KATNIP: variants seen among roughly 807,000 people sequenced by gnomAD.
KATNIP encodes the protein katanin-interacting protein.
KATNIP carries 126 observed loss-of-function variants against 174.0 expected under a neutral mutation model. That is an observed-to-expected ratio of 0.72 (90% CI 0.63 to 0.84). The LOEUF (loss-of-function observed/expected upper bound fraction) is 0.84, where lower values mean the gene tolerates loss of function less well. Among genes scored for constraint, KATNIP ranks in the 40% least tolerant of loss-of-function variants. KATNIP has a pLI of 0.00. For synonymous variants in KATNIP, 810 were observed against 835.7 expected, an observed-to-expected ratio of 0.97 and a Z score of 0.53; for missense variants, 1,958 against 2,109.7, an observed-to-expected ratio of 0.93 and a Z score of 1.41.
At chr16:27,617,986 C>T (rs913265403) in intron 2 of KATNIP, among the ~76,000 whole-genome samples, 21 of 152,268 alleles carry the variant, frequency 1.4e-4, no homozygotes, top group African/African-American at 4.6e-4. Context: ...AATCCTCTCG[C>T]CTCAGCCTCC....
chr16:27,710,582 G>T (rs2079532131), intron 13 of KATNIP, among the ~76,000 whole-genome samples: 2 of 152,124 alleles, frequency 1.3e-5, no homozygotes, highest in Admixed American at 1.3e-4. Context: ...GCTCACTGCA[G>T]CCTCAAACTC....
At chr16:27,632,573 TC>T (rs1407408478) in intron 5 of KATNIP, 1 of 454,736 alleles carries the variant, frequency 2.2e-6, no homozygotes, top group Non-Finnish European at 4.4e-6. Context: ...TCACTGTGCA[TC>T]CTCTATAGAG....
Position 27,769,865 on chromosome 16 carries a change from A to G in KATNIP, c.3980A>G (p.Lys1327Arg), listed in dbSNP as rs1381449506. The G allele has an allele frequency of 1.9e-6, 3 of 1,613,640 alleles. No individual in the cohort carries two copies. The highest frequency in any genetic ancestry group is 1.3e-5 in the African/African-American group (1 of 74,938). ...GTTATTTCTTTTGTTTGCCAGGCCA[A>G]GATTGTCCACGTCTCCCTGGATGGC... ...KSPEDTYRGA[K>R]IVHVSLDGLC... The change falls in exon 21 of 28, where the codon AAG becomes AGG. Residue 1327 changes from lysine (K) to arginine (R), a missense_variant. Lys to Arg is a conservative substitution (Grantham distance 26). Around this residue, in one of 3 missense-constraint regions of KATNIP, gnomAD observed 383 missense variants for 456.0 expected, o/e 0.84. Coordinates refer to ENST00000261588, the MANE Select transcript of KATNIP (RefSeq NM_015202.5).
intron 6 of KATNIP, among the ~76,000 whole-genome samples, chr16:27,654,352 T>C (rs2077202422): frequency 6.6e-6 from 1 of 152,178 alleles, no homozygotes; most frequent in African/African-American, 2.4e-5. Context: ...GCCATACAGC[T>C]CCATGGTTCA....
At chr16:27,715,142 T>C (rs563205827) in intron 13 of KATNIP, among the ~76,000 whole-genome samples, 9 of 152,368 alleles carry the variant, frequency 5.9e-5, no homozygotes, top group Admixed American at 1.3e-4. Flanking sequence ...AACCCATGGA[T>C]TTATAGTCAA....
intron 5 of KATNIP, among the ~76,000 whole-genome samples, chr16:27,635,588 C>G (rs936781987): frequency 2.1e-4 from 32 of 151,100 alleles, no homozygotes; most frequent in Admixed American, 4.0e-4. Context: ...AGGCACTGTG[C>G]AAGGCTCTAG....
At chr16:27,685,345 T>A (rs2078485483) in intron 8 of KATNIP, 1 of 152,110 alleles carries the variant, frequency 6.6e-6, no homozygotes, top group African/African-American at 2.4e-5. Flanking sequence ...GAGCTGAGAT[T>A]GGACCACTGT....
chr16:27,707,888 GC>G (rs1256948804), intron 12 of KATNIP, among the ~76,000 whole-genome samples: 4 of 152,040 alleles, frequency 2.6e-5, no homozygotes, highest in East Asian at 3.9e-4. Flanking sequence ...TTGGATTAGT[GC>G]CCCCCTCCCC....
intron 19 of KATNIP, among the ~76,000 whole-genome samples, chr16:27,763,441 T>C (rs1386500171): frequency 2.9e-4 from 20 of 68,186 alleles, no homozygotes; most frequent in Non-Finnish European, 4.4e-4. Context: ...ATTGTGTCTC[T>C]AAAAAAAAAA....
chr16:27,613,344 G>A (rs919546967), intron 2 of KATNIP, among the ~76,000 whole-genome samples: 3 of 152,208 alleles, frequency 2.0e-5, no homozygotes, highest in Non-Finnish European at 4.4e-5. Flanking sequence ...CATTTAAGAA[G>A]TGGAGATGGA....
chr16:27,589,139 C>T (rs2141847408), intron 2 of KATNIP, among the ~76,000 whole-genome samples: 1 of 152,006 alleles, frequency 6.6e-6, no homozygotes, highest in Admixed American at 6.6e-5. Flanking sequence ...CTCCCCGCCT[C>T]AAGTGATCTG....
intron 6 of KATNIP, among the ~76,000 whole-genome samples, chr16:27,670,791 A>G (rs374397609): frequency 1.6e-4 from 24 of 152,282 alleles, no homozygotes; most frequent in African/African-American, 3.6e-4. Flanking sequence ...TAAACGTATC[A>G]TTTTTTTAAA....
Position 27,777,039 on chromosome 16 carries a change from T to A in KATNIP, c.4551+10T>A. The A allele has an allele frequency of 6.4e-7, 1 of 1,555,728 alleles. No individual in the cohort carries two copies. Reference sequence around the variant, plus strand: ...GGTGAAGGAGTTTGGCGTAAGTACTTATTAGCTGAGTTTTTTGAGATAATT... The same window carrying A: ...GGTGAAGGAGTTTGGCGTAAGTACTAATTAGCTGAGTTTTTTGAGATAATT... On this transcript the variant is annotated intron_variant, in intron 25 of 27. Coordinates refer to ENST00000261588, the MANE Select transcript of KATNIP (RefSeq NM_015202.5). The surrounding 1 kb of genome is among the most constrained non-coding windows in gnomAD (Gnocchi z 4.4).
chr16:27,775,366 G>A (rs1459398977), intron 24 of KATNIP, among the ~76,000 whole-genome samples: 1 of 152,214 alleles, frequency 6.6e-6, no homozygotes, highest in East Asian at 1.9e-4. Flanking sequence ...GAGGGCTTGG[G>A]CGTCCTGGGT....
intron 18 of KATNIP, among the ~76,000 whole-genome samples, chr16:27,758,530 C>T (rs1257543422): frequency 1.3e-5 from 2 of 152,146 alleles, no homozygotes; most frequent in Non-Finnish European, 2.9e-5. Context: ...ATAGAATCTG[C>T]CAGTAGCTTC....
chr16:27,742,010 A>G (rs887336460), intron 15 of KATNIP, among the ~76,000 whole-genome samples: 4 of 149,064 alleles, frequency 2.7e-5, no homozygotes, highest in African/African-American at 9.9e-5. Flanking sequence ...GATTGAGATT[A>G]TTTTTAAACT....
intron 7 of KATNIP, among the ~76,000 whole-genome samples, chr16:27,680,790 GTTC>G (rs1178513638): frequency 6.6e-6 from 1 of 152,196 alleles, no homozygotes; most frequent in African/African-American, 2.4e-5. Context: ...CATCTTCTGG[GTTC>G]AAGCAATTCT....
intron 8 of KATNIP, 64 bp from the exon 9 acceptor site, chr16:27,698,264 T>C (rs1597206475): frequency 6.7e-7 from 1 of 1,489,378 alleles, no homozygotes; most frequent in South Asian, 1.3e-5. Flanking sequence ...TGGGGTCTAA[T>C]GGGTTGTGAG....
chr16:27,774,420 G>T (rs2082418392), intron 23 of KATNIP, among the ~76,000 whole-genome samples: 1 of 152,138 alleles, frequency 6.6e-6, no homozygotes, highest in Non-Finnish European at 1.5e-5. Flanking sequence ...GGGTTGACCT[G>T]TGACTTGCCC....
Sources: gnomAD v4.1 joint callset for allele counts (sites outside exome capture counted in the v4.1 genomes callset) on GRCh38, gnomAD v4.1.1 for gene constraint, gnomAD v4.1.1 regional missense constraint, Gnocchi (gnomAD v3.1) non-coding constraint, MANE v1.5 for transcripts, NCBI Gene and HGNC (gene_info 2026-07-23, HGNC 2026-07-21) for gene names.